CNOT7: variants seen among roughly 807,000 people sequenced by gnomAD.
CNOT7 encodes CCR4-NOT transcription complex subunit 7.
CNOT7 carries 4 observed loss-of-function variants against 37.1 expected under a neutral mutation model. The observed-to-expected ratio is 0.11, with a 90% CI of 0.05 to 0.25. The LOEUF (loss-of-function observed/expected upper bound fraction) is 0.25, where lower values mean the gene tolerates loss of function less well. Among genes scored for constraint, CNOT7 ranks in the 10% least tolerant of loss-of-function variants. The pLI, the probability that CNOT7 is intolerant of heterozygous loss-of-function variation, is 1.00. For missense variants in CNOT7, 170 were observed against 336.2 expected, an observed-to-expected ratio of 0.51 and a Z score of 3.87; for synonymous variants, 128 against 115.6, an observed-to-expected ratio of 1.11 and a Z score of -0.69.
In CNOT7 at chr8:17,226,527, G is replaced by C. The variant is rs1338688218; in HGVS notation, c.*4193C>G. 6.6e-5 allele frequency: 10 copies of C among 151,594 alleles called. No homozygotes were observed. The highest frequency in any genetic ancestry group is 2.4e-4 in the African/African-American group (10 of 41,356). The allele number at this position is 151,594 out of a possible 1,614,324, so 9.4% of individuals were successfully genotyped here. ...CTTTAGCATGTCATTCATTCAAGAT[G>C]ATTCATTTCCAACAGAAGATTAAGA... On this transcript the variant is annotated 3_prime_UTR_variant, in exon 7 of 7. Transcript: ENST00000361272.
intron 4 of CNOT7, among the ~76,000 whole-genome samples, chr8:17,235,353 G>A (rs550087257): frequency 6.6e-6 from 1 of 152,166 alleles, no homozygotes; most frequent in East Asian, 1.9e-4. Flanking sequence ...TTTATCCAAA[G>A]AATAAGACTG....
intron 3 of CNOT7, among the ~76,000 whole-genome samples, chr8:17,237,892 G>T (rs1053625429): frequency 1.1e-4 from 16 of 152,218 alleles, no homozygotes; most frequent in African/African-American, 3.4e-4. Context: ...AGAAGGAGAT[G>T]CCTCCTTTCA....
intron 5 of CNOT7, among the ~76,000 whole-genome samples, chr8:17,233,780 T>C (rs1585789219): frequency 6.6e-6 from 1 of 152,190 alleles, no homozygotes; most frequent in African/African-American, 2.4e-5. Context: ...TCTCTAGTCA[T>C]ATGCTGACCA....
intron 6 of CNOT7, chr8:17,232,108 G>A (rs570523331): frequency 9.8e-7 from 1 of 1,016,514 alleles, no homozygotes; most frequent in East Asian, 7.7e-5. Flanking sequence ...TCTCCCACTA[G>A]TAATGTGTTT....
At chr8:17,240,987 T>C (rs935694090) in intron 3 of CNOT7, among the ~76,000 whole-genome samples, 1 of 152,190 alleles carries the variant, frequency 6.6e-6, no homozygotes, top group Non-Finnish European at 1.5e-5. Context: ...CGAATTTCTG[T>C]TGGGCTGCAT....
At chr8:17,235,459 G>A (rs994208498) in intron 4 of CNOT7, among the ~76,000 whole-genome samples, 3 of 152,208 alleles carry the variant, frequency 2.0e-5, no homozygotes, top group East Asian at 1.9e-4. Context: ...GGCTCCCTAA[G>A]AGTCATTATT....
In CNOT7 at chr8:17,234,793, A is replaced by G. The variant is rs1314228146; in HGVS notation, c.541T>C (p.Phe181Leu). ...NSNLPEEELDFFEILRLFFPV... is the reference protein window; with the variant it reads ...NSNLPEEELDLFEILRLFFPV... Reference sequence around the variant, plus strand: ...AAAAACAATCGAAGGATCTCAAAGAAGTCAAGTTCTTCTTCAGGCAAGTTA... The same window carrying G: ...AAAAACAATCGAAGGATCTCAAAGAGGTCAAGTTCTTCTTCAGGCAAGTTA... Residue 181 changes from phenylalanine to leucine, a missense_variant, in exon 5 of 7, where the codon TTC becomes CTC. This residue lies in a region of CNOT7 where 68 missense variants were observed against 151.1 expected (regional missense o/e 0.45). Coordinates refer to ENST00000361272, the MANE Select transcript of CNOT7 (RefSeq NM_013354.7). 1 of 1,614,086 alleles carries G rather than the reference A, an allele frequency of 6.2e-7. No homozygotes were observed. The highest frequency in any genetic ancestry group is 8.5e-7 in the Non-Finnish European group (1 of 1,179,946).
intron 5 of CNOT7, 32 bp from the exon 6 acceptor site, chr8:17,232,569 G>A (rs752673321): frequency 1.3e-6 from 2 of 1,592,634 alleles, no homozygotes; most frequent in Non-Finnish European, 1.7e-6. Context: ...TTGTCAAGAA[G>A]AAAAATCTTA....
rs182357009 is a variant in CNOT7, at chr8:17,226,798, C to A, written c.*3922G>T. On this transcript the variant is annotated 3_prime_UTR_variant, in exon 7 of 7. Coordinates refer to ENST00000361272, the MANE Select transcript of CNOT7 (RefSeq NM_013354.7). ...GTTGTTGTACCTTGTAATTTCAGGT[C>A]AAATTCATTAAGAAACATTTTCAAG... is the stretch of plus-strand genomic sequence containing the variant. 5.9e-5 allele frequency: 9 copies of A among 151,644 alleles called. No homozygotes were observed. Among genetic ancestry groups the A allele is most frequent in the African/African-American group, 1.7e-4 (7 of 41,426 alleles). 9.4% of individuals were successfully genotyped at this position (151,644 alleles called of 1,614,324 possible).
intron 1 of CNOT7, among the ~76,000 whole-genome samples, chr8:17,245,508 T>A (rs1441464085): frequency 2.0e-5 from 3 of 152,376 alleles, no homozygotes; most frequent in East Asian, 3.9e-4. Context: ...TTTATAACTT[T>A]CCACTAATTA....
intron 3 of CNOT7, among the ~76,000 whole-genome samples, chr8:17,238,202 G>A (rs1809641660): frequency 6.6e-6 from 1 of 152,120 alleles, no homozygotes; most frequent in Non-Finnish European, 1.5e-5. Context: ...ATACATTTTT[G>A]AGAATACGTG....
chr8:17,242,156 C>T lies in CNOT7; in HGVS notation c.311+836G>A, dbSNP rs146525907. ...GGACCCGGGAGAAAATCCACATATA[C>T]ACGAGAACGTGCACACTCCACTCAG... On this transcript the variant is annotated intron_variant, in intron 3 of 6. Coordinates refer to ENST00000361272, the MANE Select transcript of CNOT7 (RefSeq NM_013354.7). 8.1e-3 allele frequency: 1,240 copies of T among 152,298 alleles called. 10 individuals are homozygous for T. Among genetic ancestry groups the T allele is most frequent in the Admixed American group, 0.022 (329 of 15,286 alleles). The allele number at this position is 152,298 out of a possible 1,614,324, so 9.4% of individuals were successfully genotyped here. A position where few individuals can be genotyped will look rare whatever the true frequency, so the allele number is the denominator to read the frequency against.
At position 17,227,397 on chromosome 8, in the gene CNOT7, T is replaced by TAACA. The variant is rs976771121; in HGVS notation, c.*3319_*3322dup. The TAACA allele has an allele frequency of 1.3e-5, 2 of 151,858 alleles. No homozygotes were observed. The highest frequency in any genetic ancestry group is 2.4e-5 in the African/African-American group (1 of 41,426). 9.4% of individuals were successfully genotyped at this position (151,858 alleles called of 1,614,324 possible). A position where few individuals can be genotyped will look rare whatever the true frequency, so the allele number is the denominator to read the frequency against. ...TACTGACTAGTAAGAGGCAAAGAATTAACAGTGTCATTTGATGTTGTGTCC... is the reference window on the plus strand; with the variant it reads ...TACTGACTAGTAAGAGGCAAAGAATTAACAAACAGTGTCATTTGATGTTGTGTCC... On this transcript the variant is annotated 3_prime_UTR_variant, in exon 7 of 7. Transcript: ENST00000361272.
intron 3 of CNOT7, among the ~76,000 whole-genome samples, chr8:17,239,933 G>A (rs1318027184): frequency 6.6e-6 from 1 of 152,172 alleles, no homozygotes; most frequent in Admixed American, 6.5e-5. Flanking sequence ...TCAGTTTGGA[G>A]AGAATTCCCA....
rs1809579026 is a variant in CNOT7, at chr8:17,237,776, C to G, written c.312-403G>C. 2.6e-5 allele frequency among the ~76,000 whole-genome samples: 4 copies of G among 152,352 alleles called. No individual in the cohort carries two copies. In the South Asian group the frequency reaches 8.3e-4, roughly 32 times the overall value. On this transcript the variant is annotated intron_variant, in intron 3 of 6. Transcript: ENST00000361272. Reference sequence around the variant, plus strand: ...TAATGCTCCCAGATGGAGCTGCAGCCATAGCTGTGGGGCATATGCCCATCT... The same window carrying G: ...TAATGCTCCCAGATGGAGCTGCAGCGATAGCTGTGGGGCATATGCCCATCT...
chr8:17,232,021 G>T, intron 6 of CNOT7: 2 of 1,027,566 alleles, frequency 1.9e-6, no homozygotes, highest in Non-Finnish European at 2.3e-6. Flanking sequence ...AAGGGGTCAT[G>T]CTAGAATAAA....
At chr8:17,231,053 A>G (rs1585773428) in intron 6 of CNOT7, among the ~76,000 whole-genome samples, 1 of 152,144 alleles carries the variant, frequency 6.6e-6, no homozygotes, top group Non-Finnish European at 1.5e-5. Context: ...CCAAAGAAAG[A>G]GACTACAAAA....
At chr8:17,235,254 G>A (rs192327165) in intron 4 of CNOT7, among the ~76,000 whole-genome samples, 1 of 152,298 alleles carries the variant, frequency 6.6e-6, no homozygotes, top group African/African-American at 2.4e-5. Context: ...AACTTGGCCA[G>A]AAGAGTTAGC....
chr8:17,237,104 C>A, intron 4 of CNOT7, 108 bp downstream of exon 4: 1 of 1,075,490 alleles, frequency 9.3e-7, no homozygotes. Flanking sequence ...ATATGGCAGT[C>A]AACTCTTTCC....
Sources: allele counts gnomAD v4.1 joint callset (sites outside exome capture counted in the v4.1 genomes callset), GRCh38; gene constraint gnomAD v4.1.1; regional missense constraint gnomAD v4.1.1; transcripts MANE v1.5; gene names NCBI Gene and HGNC (gene_info 2026-07-23, HGNC 2026-07-21).